The following CEP70 variants were observed in gnomAD, a reference collection of about 807,000 sequenced individuals.
CEP70 encodes the protein centrosomal protein 70.
In CEP70, 70 loss-of-function variants were observed where a neutral mutation model predicts 90.9. The observed-to-expected ratio is 0.77, with a 90% confidence interval of 0.64 to 0.94. The LOEUF (loss-of-function observed/expected upper bound fraction) is 0.94. CEP70 is among the 40% of genes least tolerant of loss of function. CEP70 has a pLI of 0.00. For missense variants in CEP70, 648 were observed against 669.0 expected (o/e 0.97, Z 0.35); for synonymous variants, 220 against 228.3 (o/e 0.96, Z 0.33).
chr3:138,586,657 G>C (rs1179723851), intron 2 of CEP70, among the ~76,000 whole-genome samples: 1 of 152,196 alleles, frequency 6.6e-6, no homozygotes, highest in Non-Finnish European at 1.5e-5. Context: ...ACACAGAGTA[G>C]AAGGATGGTT....
In CEP70 at chr3:138,560,567, AGGTCTG is replaced by A. The variant is rs199902880; in HGVS notation, c.465+9745_465+9750del. 5.6e-3 allele frequency among the ~76,000 whole-genome samples: 851 copies of A among 151,910 alleles called. 7 individuals carry two copies. The highest frequency in any genetic ancestry group is 0.02 in the African/African-American group (819 of 41,428). On this transcript the variant is annotated intron_variant, in intron 6 of 17. Transcript: ENST00000264982. ...AGGGGACTGAAGCCAGGGAGCCAAGAGGTCTGGGTAGGCAGGTCCCACCCCCATGGA... is the reference window on the plus strand; with the variant it reads ...AGGGGACTGAAGCCAGGGAGCCAAGAGGTAGGCAGGTCCCACCCCCATGGA...
chr3:138,496,600 T>C, intron 17 of CEP70: 2 of 985,426 alleles, frequency 2.0e-6, no homozygotes, highest in Non-Finnish European at 2.4e-6. Flanking sequence ...TCACACCATT[T>C]ACATGAGAAA....
At chr3:138,542,591 C>T (rs757664990) in intron 6 of CEP70, among the ~76,000 whole-genome samples, 47 of 152,332 alleles carry the variant, frequency 3.1e-4, no homozygotes, top group Non-Finnish European at 6.0e-4. Context: ...GCGCAGCCAC[C>T]AGGTGCCAGT....
intron 11 of CEP70, among the ~76,000 whole-genome samples, chr3:138,510,268 AAAAC>A (rs1473600472): frequency 6.6e-6 from 1 of 151,742 alleles, no homozygotes; most frequent in East Asian, 1.9e-4. Flanking sequence ...AAAAAAAAGA[AAAAC>A]AAATACAAAA....
At chr3:138,544,701 G>T (rs1466353489) in intron 6 of CEP70, among the ~76,000 whole-genome samples, 1 of 152,110 alleles carries the variant, frequency 6.6e-6, no homozygotes, top group Non-Finnish European at 1.5e-5. Flanking sequence ...TGTGGTATGT[G>T]TACACAAATG....
intron 6 of CEP70, among the ~76,000 whole-genome samples, chr3:138,556,619 G>A (rs1218296418): frequency 6.6e-6 from 1 of 151,962 alleles, no homozygotes; most frequent in African/African-American, 2.4e-5. Flanking sequence ...GCATCGTCCG[G>A]GTTGAGAAAT....
intron 6 of CEP70, among the ~76,000 whole-genome samples, chr3:138,541,048 T>G (rs2038721515): frequency 6.6e-6 from 1 of 152,082 alleles, no homozygotes; most frequent in African/African-American, 2.4e-5. Flanking sequence ...TGATGAGAAC[T>G]TATGAACACA....
intron 5 of CEP70, among the ~76,000 whole-genome samples, chr3:138,570,787 C>T (rs143438486): frequency 1.3e-5 from 2 of 152,008 alleles, no homozygotes; most frequent in Non-Finnish European, 2.9e-5. Context: ...ATTTTTGGAG[C>T]CTTTCAGATT....
chr3:138,527,846 A>C (rs2037431324), intron 10 of CEP70, among the ~76,000 whole-genome samples: 1 of 151,932 alleles, frequency 6.6e-6, no homozygotes, highest in South Asian at 2.1e-4. Flanking sequence ...GAGCCACTGC[A>C]CCTAGCCTCC....
At chr3:138,585,525 A>C (rs1021207301) in intron 2 of CEP70, among the ~76,000 whole-genome samples, 23 of 152,224 alleles carry the variant, frequency 1.5e-4, no homozygotes, top group Admixed American at 1.5e-3. Context: ...GACATTCTTC[A>C]CAGAAATAGA....
intron 6 of CEP70, among the ~76,000 whole-genome samples, chr3:138,560,226 G>A (rs1435125193): frequency 3.9e-5 from 6 of 152,160 alleles, no homozygotes; most frequent in East Asian, 3.9e-4. Flanking sequence ...CCGAAGGAGG[G>A]TGGGGTGTTG....
At chr3:138,583,527 A>T (rs1560462693) in intron 2 of CEP70, among the ~76,000 whole-genome samples, 1 of 152,224 alleles carries the variant, frequency 6.6e-6, no homozygotes, top group Admixed American at 6.5e-5. Flanking sequence ...CACATGGATC[A>T]TTCCCAAGGA....
chr3:138,576,592 C>T (rs1209864113), intron 2 of CEP70, among the ~76,000 whole-genome samples: 1 of 152,132 alleles, frequency 6.6e-6, no homozygotes, highest in Non-Finnish European at 1.5e-5. Flanking sequence ...CAGCTCTGCA[C>T]CAAGCAGACC....
intron 10 of CEP70, among the ~76,000 whole-genome samples, chr3:138,527,369 C>T (rs549880998): frequency 2.7e-5 from 4 of 150,290 alleles, no homozygotes; most frequent in South Asian, 2.1e-4. Flanking sequence ...CATGAATTTG[C>T]GTGTCATCCT....
intron 6 of CEP70, among the ~76,000 whole-genome samples, chr3:138,541,347 C>G (rs188308265): frequency 7.3e-5 from 11 of 151,392 alleles, no homozygotes; most frequent in Non-Finnish European, 1.5e-5. Context: ...ATAGAATCCT[C>G]AGCAGAAAGC....
chr3:138,496,293 A>G (rs1560264594), intron 17 of CEP70: 7 of 985,274 alleles, frequency 7.1e-6, no homozygotes, highest in Non-Finnish European at 7.2e-6. Flanking sequence ...CACATAGCCC[A>G]TGCTCTCCTA....
intron 6 of CEP70, among the ~76,000 whole-genome samples, chr3:138,564,727 C>T (rs1239069705): frequency 6.6e-6 from 1 of 152,096 alleles, no homozygotes; most frequent in Non-Finnish European, 1.5e-5. Flanking sequence ...TATGACAACC[C>T]ACACCCAATA....
intron 2 of CEP70, among the ~76,000 whole-genome samples, chr3:138,579,281 C>A (rs535235142): frequency 2.0e-4 from 31 of 152,182 alleles, no homozygotes; most frequent in Admixed American, 9.8e-4. Flanking sequence ...GAAACACTAT[C>A]TAGGCCACAA....
At chr3:138,517,622 T>C (rs890936286) in intron 11 of CEP70, among the ~76,000 whole-genome samples, 2 of 152,200 alleles carry the variant, frequency 1.3e-5, no homozygotes, top group African/African-American at 4.8e-5. Context: ...TGAGCTGAGA[T>C]TGTGCCACTG....
Sources: gnomAD v4.1 joint callset for allele counts (sites outside exome capture counted in the v4.1 genomes callset) on GRCh38, gnomAD v4.1.1 for gene constraint, MANE v1.5 for transcripts, NCBI Gene and HGNC (gene_info 2026-07-23, HGNC 2026-07-21) for gene names.